ELAPOR1: variants seen among roughly 807,000 people sequenced by gnomAD.
ELAPOR1 encodes the protein endosome/lysosome-associated apoptosis and autophagy regulator 1.
A neutral mutation model predicts 119.7 loss-of-function variants in ELAPOR1; 77 were observed. That is an observed-to-expected ratio of 0.64 (90% CI 0.54 to 0.78). The LOEUF (loss-of-function observed/expected upper bound fraction) is 0.78, where lower values mean the gene tolerates loss of function less well. Among genes scored for constraint, ELAPOR1 ranks in the 30% least tolerant of loss-of-function variants. The pLI, the probability that ELAPOR1 is intolerant of heterozygous loss-of-function variation, is 0.00. For synonymous variants in ELAPOR1, 481 were observed against 487.2 expected (o/e 0.99, Z 0.17); for missense variants, 1,115 against 1,270.4 (o/e 0.88, Z 1.86).
At chr1:109,158,283 A>G (rs1345588520) in intron 1 of ELAPOR1, among the ~76,000 whole-genome samples, 1 of 151,508 alleles carries the variant, frequency 6.6e-6, no homozygotes, top group African/African-American at 2.4e-5. Context: ...ATTTCCATCC[A>G]GATACCATCC....
chr1:109,114,305 G>A lies in ELAPOR1; in HGVS notation c.122G>A (p.Gly41Glu). 2 of 1,600,378 alleles carry A rather than the reference G, an allele frequency of 1.2e-6. No homozygotes were observed. The highest frequency in any genetic ancestry group is 1.1e-5 in the South Asian group (1 of 88,688). ...GGGACCGCCTTCCAGGTGACCCAGG[G>A]AACGGGACCGGAGCTTCATGCCTGC... ...WAGTAFQVTQ[G>E]TGPELHACKE... Residue 41 changes from glycine to glutamate, a missense_variant, in exon 1 of 22, where the codon GGA becomes GAA. Gly to Glu is a moderately conservative substitution (Grantham distance 98). Coordinates refer to ENST00000369939, the MANE Select transcript of ELAPOR1 (RefSeq NM_020775.5).
intron 1 of ELAPOR1, among the ~76,000 whole-genome samples, chr1:109,144,061 A>ATATATATATATTTTTTTTTTTT: frequency 5.6e-5 from 5 of 89,018 alleles, no homozygotes; most frequent in African/African-American, 1.4e-4. Context: ...ATATTTATAT[A>ATATATATATATTTTTTTTTTTT]TTTTTTTTTT....
At chr1:109,179,693 G>T (rs147007371) in intron 7 of ELAPOR1, among the ~76,000 whole-genome samples, 6 of 151,880 alleles carry the variant, frequency 4.0e-5, no homozygotes, top group Admixed American at 6.6e-5. Context: ...ATCACCTGAG[G>T]TCAGGAGTTG....
At chr1:109,197,684 T>A (rs1557702023) in intron 16 of ELAPOR1, 30 bp downstream of exon 16, 1 of 1,466,794 alleles carries the variant, frequency 6.8e-7, no homozygotes, top group East Asian at 2.4e-5. Flanking sequence ...CAGCCTTGTT[T>A]GAGAGTGTGT....
Position 109,189,047 on chromosome 1 carries a change from C to G in ELAPOR1, c.1220-19C>G. The G allele has an allele frequency of 6.2e-7, 1 of 1,611,868 alleles. No individual in the cohort carries two copies. On this transcript the variant is annotated intron_variant, in intron 9 of 21. Coordinates refer to ENST00000369939, the MANE Select transcript of ELAPOR1 (RefSeq NM_020775.5). ...CAGCCTTCCCACTGAATGCATGGAT[C>G]TTGTTTGTGGTTCCCCAGACTGTAC...
intron 7 of ELAPOR1, among the ~76,000 whole-genome samples, chr1:109,184,092 C>T (rs948046925): frequency 6.6e-6 from 1 of 152,054 alleles, no homozygotes; most frequent in African/African-American, 2.4e-5. Flanking sequence ...AATAAAGAGG[C>T]CGGGCACGGT....
At chr1:109,151,825 T>G (rs1449585531) in intron 1 of ELAPOR1, among the ~76,000 whole-genome samples, 1 of 151,972 alleles carries the variant, frequency 6.6e-6, no homozygotes, top group African/African-American at 2.4e-5. Context: ...CTATTGACTC[T>G]GCTATACCCA....
intron 1 of ELAPOR1, among the ~76,000 whole-genome samples, chr1:109,157,784 A>G (rs1443111030): frequency 1.3e-5 from 2 of 152,230 alleles, no homozygotes; most frequent in Non-Finnish European, 2.9e-5. Context: ...CATCTCTGTC[A>G]TCAGCTAACC....
Position 109,203,084 on chromosome 1 carries a change from C to T in ELAPOR1, c.*72C>T. 2 of 955,406 alleles carry T rather than the reference C, an allele frequency of 2.1e-6. No individual in the cohort carries two copies. Among genetic ancestry groups the T allele is most frequent in the South Asian group, 2.8e-5 (2 of 71,750 alleles). 59.2% of individuals were successfully genotyped at this position (955,406 alleles called of 1,614,324 possible). On this transcript the variant is annotated 3_prime_UTR_variant, in exon 22 of 22. Transcript: ENST00000369939. The stretch of plus-strand genomic sequence containing the variant: ...TGCAAGCCTGCGGCGATTTGGGTGC[C>T]AGCATCCTGCAACACCCACTGCTGG...
intron 1 of ELAPOR1, among the ~76,000 whole-genome samples, chr1:109,154,866 T>C (rs1008465200): frequency 4.6e-5 from 7 of 152,194 alleles, no homozygotes; most frequent in Non-Finnish European, 1.0e-4. Context: ...AGAAATGATG[T>C]GGTTTAATGG....
At chr1:109,134,010 A>G (rs1351790738) in intron 1 of ELAPOR1, among the ~76,000 whole-genome samples, 2 of 152,196 alleles carry the variant, frequency 1.3e-5, no homozygotes, top group African/African-American at 4.8e-5. Flanking sequence ...AGCCTGGCCC[A>G]GGGGAACTGT....
At chr1:109,202,592 C>T (rs1413022807) in intron 21 of ELAPOR1, among the ~76,000 whole-genome samples, 3 of 151,612 alleles carry the variant, frequency 2.0e-5, no homozygotes, top group Admixed American at 2.0e-4. Flanking sequence ...AGGCGCCTGC[C>T]ACCATGCCTG....
In ELAPOR1 at chr1:109,173,721, A is replaced by C. The variant is rs1450320855; in HGVS notation, c.836A>C (p.Lys279Thr). 1.2e-6 allele frequency: 2 copies of C among 1,614,118 alleles called. No individual in the cohort carries two copies. The highest frequency in any genetic ancestry group is 1.7e-6 in the Non-Finnish European group (2 of 1,180,014). The change falls in exon 7 of 22, where the codon AAA becomes ACA. Residue 279 changes from lysine to threonine, a missense_variant. Coordinates refer to ENST00000369939, the MANE Select transcript of ELAPOR1 (RefSeq NM_020775.5). ...TACACTTCAGAATGCTTCCCCTGCAAACCTGGCACGTATGCAGACAAGCAG... is the reference window on the plus strand; with the variant it reads ...TACACTTCAGAATGCTTCCCCTGCACACCTGGCACGTATGCAGACAAGCAG... ...VAYTSECFPC[K>T]PGTYADKQGS...
intron 3 of ELAPOR1, among the ~76,000 whole-genome samples, chr1:109,165,584 TAA>T (rs1161516161): frequency 3.7e-4 from 43 of 115,868 alleles, no homozygotes; most frequent in African/African-American, 9.7e-4. Flanking sequence ...AACTCCGTCT[TAA>T]AAAAAAAAAA....
At chr1:109,138,834 CA>C (rs150398954) in intron 1 of ELAPOR1, among the ~76,000 whole-genome samples, 9,124 of 107,214 alleles carry the variant, frequency 0.085, 455 homozygotes, top group African/African-American at 0.17. Flanking sequence ...AACTCCATCT[CA>C]AAAAAAAAAA....
chr1:109,201,466 G>T, intron 21 of ELAPOR1: 1 of 423,828 alleles, frequency 2.4e-6, no homozygotes. Context: ...GTCACTGGGT[G>T]TGGGGCCAGC....
intron 8 of ELAPOR1, chr1:109,186,949 C>A: frequency 6.1e-6 from 6 of 985,570 alleles, no homozygotes; most frequent in Non-Finnish European, 7.2e-6. Flanking sequence ...AGGCCCAGCT[C>A]AGAGGAGGAG....
Position 109,200,817 on chromosome 1 carries a change from A to G in ELAPOR1, c.2890A>G (p.Met964Val). The change falls in exon 21 of 22, where the codon ATG becomes GTG. Residue 964 changes from methionine to valine, a missense_variant. By Grantham distance (21) the Met-to-Val change is conservative. Transcript: ENST00000369939. ...GCCAGCAGCTGACAGCTGCGCCATC[A>G]TGGAAGGCGAGGATGTAGAGGACGA... ...DLPAADSCAI[M>V]EGEDVEDDLI... is the part of the protein sequence containing the mutation. 2 of 1,614,000 alleles carry G rather than the reference A, an allele frequency of 1.2e-6. No homozygotes were observed. Among genetic ancestry groups the G allele is most frequent in the Non-Finnish European group, 1.7e-6 (2 of 1,179,886 alleles).
At chr1:109,194,338 G>T (rs928458066) in intron 14 of ELAPOR1, 83 bp from the exon 15 acceptor site, 1 of 1,298,776 alleles carries the variant, frequency 7.7e-7, no homozygotes, top group Non-Finnish European at 1.1e-6. Context: ...GGGACCAGAC[G>T]GGGGAGAAAA....
Sources: gnomAD v4.1 joint callset for allele counts (sites outside exome capture counted in the v4.1 genomes callset) on GRCh38, gnomAD v4.1.1 for gene constraint, MANE v1.5 for transcripts, NCBI Gene and HGNC (gene_info 2026-07-23, HGNC 2026-07-21) for gene names.